Variants in NOL8 observed in about 807,000 individuals in gnomAD.
The protein encoded by NOL8 is nucleolar protein Nop132.
A neutral mutation model predicts 116.1 loss-of-function variants in NOL8; 93 were observed. That is an observed-to-expected ratio of 0.80 (90% CI 0.68 to 0.95). NOL8 has a LOEUF of 0.95. Ranked by LOEUF, NOL8 falls within the 40% of genes least tolerant of loss-of-function variation. The probability of loss-of-function intolerance (pLI) is 0.00; values close to 1 mark genes in which losing one functional copy is unlikely to be tolerated. For missense variants in NOL8, 1,291 were observed against 1,382.8 expected (o/e 0.93, Z 1.05); for synonymous variants, 419 against 469.0 (o/e 0.89, Z 1.38).
Position 92,315,522 on chromosome 9 carries a change from T to C in NOL8, c.1103A>G (p.Asp368Gly). 1 of 1,611,372 alleles carries C rather than the reference T, an allele frequency of 6.2e-7. No homozygotes were observed. The highest frequency in any genetic ancestry group is 8.5e-7 in the Non-Finnish European group (1 of 1,178,792). ...ATACTCACGATCATTTCTCATAATA[T>C]CATCATCACTATCATGGCAAGAGAC... ...NRVSCHDSDD[D>G]IMRNDREYDS... The change falls in exon 7 of 17, where the codon GAT becomes GGT. Residue 368 changes from aspartate (D) to glycine (G), a missense_variant. Transcript: ENST00000442668.
At chr9:92,318,572 T>TAA in intron 6 of NOL8, 46 bp downstream of exon 6, 1 of 1,294,224 alleles carries the variant, frequency 7.7e-7, no homozygotes, top group East Asian at 2.4e-5. Context: ...ATTTTACAAG[T>TAA]ATCCGTCACT....
At position 92,310,253 on chromosome 9, in the gene NOL8, A is replaced by C; in HGVS notation, c.2604T>G (p.Asp868Glu). Residue 868 changes from aspartate to glutamate, a missense_variant, in exon 10 of 17, where the codon GAT becomes GAG. Asp to Glu is a conservative substitution (Grantham distance 45). Transcript: ENST00000442668. ...CATCGGTGCCAAAGTGCGACTGTAA[A>C]TCCATGAGCTACACAGACAGAAAAC... Reference protein sequence around the residue: ...FEGRAGQKLMDLQSHFGTDDR... With the variant: ...FEGRAGQKLMELQSHFGTDDR... 1 of 1,606,906 alleles carries C rather than the reference A, an allele frequency of 6.2e-7. No homozygotes were observed. Among genetic ancestry groups the C allele is most frequent in the African/African-American group, 1.3e-5 (1 of 74,966 alleles).
Position 92,301,581 on chromosome 9 carries a change from A to G in NOL8, c.3145T>C (p.Phe1049Leu). Reference sequence around the variant, plus strand: ...TTTATGTCTTTAGTGTCTGAATCAAAAAAAGAGAACGTGAACCCGCTGGGC... The same window carrying G: ...TTTATGTCTTTAGTGTCTGAATCAAGAAAAGAGAACGTGAACCCGCTGGGC... ...EQPSGFTFSF[F>L]DSDTKDIKEE... Residue 1049 changes from phenylalanine (F) to leucine (L), a missense_variant, in exon 13 of 17, where the codon TTT (phenylalanine) becomes CTT (leucine). Phe to Leu is a conservative substitution (Grantham distance 22). Coordinates refer to ENST00000442668, the MANE Select transcript of NOL8 (RefSeq NM_017948.6). 6.2e-7 allele frequency: 1 copy of G among 1,603,056 alleles called. No individual in the cohort carries two copies. Among genetic ancestry groups the G allele is most frequent in the Non-Finnish European group, 8.5e-7 (1 of 1,175,678 alleles).
chr9:92,317,533 T>C (rs2130722603), intron 6 of NOL8, among the ~76,000 whole-genome samples: 1 of 152,294 alleles, frequency 6.6e-6, no homozygotes, highest in South Asian at 2.1e-4. Flanking sequence ...AGTGGCACAG[T>C]AGCTGTGAGC....
chr9:92,300,830 AT>A (rs764815250), intron 13 of NOL8: 58 of 1,066,148 alleles, frequency 5.4e-5, no homozygotes, highest in South Asian at 8.8e-5. Flanking sequence ...AAAAAAAAAA[AT>A]TATTTTAATC....
chr9:92,317,624 C>T (rs939694114), intron 6 of NOL8, among the ~76,000 whole-genome samples: 2 of 152,130 alleles, frequency 1.3e-5, no homozygotes, highest in African/African-American at 4.8e-5. Context: ...GGAATCTGAC[C>T]TTTGGCTTTT....
chr9:92,318,033 C>CAAAAAAAAAAAA (rs745928872), intron 6 of NOL8, among the ~76,000 whole-genome samples: 1 of 34,602 alleles, frequency 2.9e-5, no homozygotes, highest in African/African-American at 1.2e-4. Context: ...GACTCCATCT[C>CAAAAAAAAAAAA]AAAAAAAAAA....
intron 6 of NOL8, among the ~76,000 whole-genome samples, chr9:92,317,871 A>G (rs1839557884): frequency 6.6e-6 from 1 of 151,554 alleles, no homozygotes; most frequent in African/African-American, 2.4e-5. Context: ...CGTCTCTAGT[A>G]AAAATACAAA....
chr9:92,315,056 G>A lies in NOL8; in HGVS notation c.1569C>T (p.Ser523=). ...GGCCAGTGGGAGTCTTGGGGCTCTT[G>A]GAGCCTCTGTCAAACTTGCATTGGG... is the stretch of plus-strand genomic sequence containing the variant. The part of the protein sequence containing the change: ...TTTQCKFDRG[S]KSPKTPTGLR... The change falls in exon 7 of 17, where the codon TCC becomes TCT. Residue 523 remains serine, a synonymous_variant. Transcript: ENST00000442668. 1 of 1,614,044 alleles carries A rather than the reference G, an allele frequency of 6.2e-7. No individual in the cohort carries two copies. Among genetic ancestry groups the A allele is most frequent in the Non-Finnish European group, 8.5e-7 (1 of 1,179,898 alleles).
At chr9:92,300,403 TTA>T in intron 13 of NOL8, 1 of 988,906 alleles carries the variant, frequency 1.0e-6, no homozygotes. Context: ...TCTTGTCTAT[TTA>T]TAAATGAGAA....
At chr9:92,311,025 C>T (rs1838731024) in intron 8 of NOL8, 121 bp downstream of exon 8, 1 of 722,350 alleles carries the variant, frequency 1.4e-6, no homozygotes, top group South Asian at 1.8e-5. Flanking sequence ...ATGAGGTGAC[C>T]TGGCAAGCCC....
chr9:92,312,487 G>C (rs1398002364), intron 7 of NOL8, among the ~76,000 whole-genome samples: 1 of 149,728 alleles, frequency 6.7e-6, no homozygotes, highest in African/African-American at 2.4e-5. Context: ...AATCAACACT[G>C]GGGTCTACTT....
In NOL8 at chr9:92,321,667, C is replaced by T. The variant is rs1289289677; in HGVS notation, c.281+1G>A. ...TTAAATCCATGTGGAGCAAAACTTACCTGTGCAGAAAGCTTTCTTTTGCTA... is the reference window on the plus strand; with the variant it reads ...TTAAATCCATGTGGAGCAAAACTTATCTGTGCAGAAAGCTTTCTTTTGCTA... On this transcript the variant is annotated splice_donor_variant, in intron 4 of 16. Transcript: ENST00000442668. LOFTEE classifies it high-confidence loss of function. 7 of 1,521,624 alleles carry T rather than the reference C, an allele frequency of 4.6e-6. No homozygotes were observed. The highest frequency in any genetic ancestry group is 2.3e-5 in the Admixed American group (1 of 42,994). 94.3% of individuals were successfully genotyped at this position (1,521,624 alleles called of 1,614,324 possible).
At chr9:92,298,987 T>A in intron 14 of NOL8, 33 bp from the exon 15 acceptor site, 1 of 1,235,414 alleles carries the variant, frequency 8.1e-7, no homozygotes, top group Non-Finnish European at 1.1e-6. Context: ...GAGAGAAAAA[T>A]AGGTATTGGT....
At position 92,305,780 on chromosome 9, in the gene NOL8, C is replaced by A. The variant is rs370385025; in HGVS notation, c.2876G>T (p.Arg959Ile). 1 of 1,612,078 alleles carries A rather than the reference C, an allele frequency of 6.2e-7. No homozygotes were observed. Among genetic ancestry groups the A allele is most frequent in the Non-Finnish European group, 8.5e-7 (1 of 1,178,492 alleles). The stretch of plus-strand genomic sequence containing the variant: ...TTCTTTTGGCTTATCATCTCTTTTT[C>A]TTTCGTAAGTGGCATGGTCTTGCTT... ...PTKQDHATYE[R>I]KRDDKPKESK... Residue 959 changes from arginine (R) to isoleucine (I), a missense_variant, in exon 12 of 17, where the codon AGA becomes ATA. Coordinates refer to ENST00000442668, the MANE Select transcript of NOL8 (RefSeq NM_017948.6).
chr9:92,319,537 G>A (rs1313121504), intron 4 of NOL8, among the ~76,000 whole-genome samples, 181 bp from the exon 5 acceptor site: 3 of 152,124 alleles, frequency 2.0e-5, no homozygotes, highest in African/African-American at 7.2e-5. Context: ...AACATACAAT[G>A]TTTTTATTAT....
At chr9:92,308,920 TA>T (rs766725327) in intron 10 of NOL8, 13 of 152,272 alleles carry the variant, frequency 8.5e-5, no homozygotes, top group Non-Finnish European at 1.5e-4. Context: ...AAATGAAGGT[TA>T]GTCTCCAGGT....
chr9:92,316,055 G>C lies in NOL8; in HGVS notation c.570C>G (p.Ser190Arg). Residue 190 changes from serine (S) to arginine (R), a missense_variant, in exon 7 of 17, where the codon AGC becomes AGG. Coordinates refer to ENST00000442668, the MANE Select transcript of NOL8 (RefSeq NM_017948.6). The stretch of plus-strand genomic sequence containing the variant: ...TCCCTCCTTCTAATTCCCAAGTCAG[G>C]CTGGATATAGGAATGGTGTTTGAGA... ...EDFSNTIPIS[S>R]LTWELEGGND... is the part of the protein sequence containing the mutation. The C allele has an allele frequency of 6.2e-7, 1 of 1,613,870 alleles. No individual in the cohort carries two copies. The highest frequency in any genetic ancestry group is 8.5e-7 in the Non-Finnish European group (1 of 1,179,860).
At chr9:92,319,087 G>T in intron 5 of NOL8, 134 bp downstream of exon 5, 1 of 901,138 alleles carries the variant, frequency 1.1e-6, no homozygotes, top group Non-Finnish European at 1.6e-6. Context: ...AAATCATAAA[G>T]TCCTATCTAT....
Sources: gnomAD v4.1 joint callset for allele counts (sites outside exome capture counted in the v4.1 genomes callset) on GRCh38, gnomAD v4.1.1 for gene constraint, MANE v1.5 for transcripts, NCBI Gene and HGNC (gene_info 2026-07-23, HGNC 2026-07-21) for gene names.